Variants in SLC24A4 observed in about 807,000 individuals in gnomAD.
The protein encoded by SLC24A4 is solute carrier family 24 member 4.
A neutral mutation model predicts 79.0 loss-of-function variants in SLC24A4; 53 were observed. That is an observed-to-expected ratio of 0.67 (90% CI 0.54 to 0.84). SLC24A4 has a LOEUF of 0.84. Among genes scored for constraint, SLC24A4 ranks in the 40% least tolerant of loss-of-function variants. The probability of loss-of-function intolerance (pLI) is 0.00; values close to 1 mark genes in which losing one functional copy is unlikely to be tolerated. For synonymous variants in SLC24A4, 323 were observed against 323.8 expected, an observed-to-expected ratio of 1.00 and a Z score of 0.03; for missense variants, 731 against 822.0, an observed-to-expected ratio of 0.89 and a Z score of 1.35.
intron 2 of SLC24A4, among the ~76,000 whole-genome samples, chr14:92,345,282 G>A (rs985435135): frequency 6.6e-6 from 1 of 152,226 alleles, no homozygotes; most frequent in Non-Finnish European, 1.5e-5. Flanking sequence ...TGGCTTTGCT[G>A]CTTACTGGCA....
intron 2 of SLC24A4, among the ~76,000 whole-genome samples, chr14:92,379,630 G>A (rs1273150701): frequency 6.6e-6 from 1 of 152,154 alleles, no homozygotes; most frequent in Non-Finnish European, 1.5e-5. Flanking sequence ...TGCCTGAAGG[G>A]CATGGGAGTG....
rs554255148 is a variant in SLC24A4 at position 92,451,586 on chromosome 14, A to G, written c.881-2314A>G. On this transcript the variant is annotated intron_variant, in intron 10 of 16. Coordinates refer to ENST00000532405, the MANE Select transcript of SLC24A4 (RefSeq NM_153646.4). ...TCAAGAGCACACACTCTCAGGCCCG[A>G]TCGAGCTGTTCTCAGTTTTTGGGTT... 3 of 152,364 alleles carry G rather than the reference A, an allele frequency of 2.0e-5. No homozygotes were observed. In the East Asian group the frequency reaches 5.8e-4, roughly 29 times the overall value. 9.4% of individuals were successfully genotyped at this position (152,364 alleles called of 1,614,324 possible). A position where few individuals can be genotyped will look rare whatever the true frequency, so the allele number is the denominator to read the frequency against.
intron 2 of SLC24A4, among the ~76,000 whole-genome samples, chr14:92,419,648 G>A (rs928991881): frequency 6.6e-6 from 1 of 152,200 alleles, no homozygotes; most frequent in African/African-American, 2.4e-5. Context: ...TCATTAGACT[G>A]GACAGCAGAT....
At chr14:92,424,961 A>G (rs1007858053) in intron 2 of SLC24A4, among the ~76,000 whole-genome samples, 9 of 152,178 alleles carry the variant, frequency 5.9e-5, no homozygotes, top group Non-Finnish European at 1.3e-4. Context: ...CAGGGCATTA[A>G]TCTATTCCTG....
Position 92,474,863 on chromosome 14 carries a change from A to ATATATATTTT in SLC24A4, c.1256-7816_1256-7815insATATATTTTT, listed in dbSNP as rs36185636. 2.2e-3 allele frequency among the ~76,000 whole-genome samples: 123 copies of ATATATATTTT among 57,112 alleles called. 5 individuals are homozygous for ATATATATTTT. Among genetic ancestry groups the ATATATATTTT allele is most frequent in the South Asian group, 0.017 (29 of 1,738 alleles). 37.5% of individuals were successfully genotyped at this position (57,112 alleles called of 152,430 possible). ...TGTGTGTATATATATATATATATAT[A>ATATATATTTT]TTTTTTTTTTTTTTAGTAGACACAG... On this transcript the variant is annotated intron_variant, in intron 12 of 16. Coordinates refer to ENST00000532405, the MANE Select transcript of SLC24A4 (RefSeq NM_153646.4).
chr14:92,402,653 C>T (rs1890176474), intron 2 of SLC24A4, among the ~76,000 whole-genome samples: 3 of 152,024 alleles, frequency 2.0e-5, no homozygotes, highest in Admixed American at 2.0e-4. Flanking sequence ...GCCTCATAAT[C>T]ATGGCAGAAG....
In SLC24A4 at chr14:92,486,805, T is replaced by A. The variant is rs369126421; in HGVS notation, c.1537+25T>A. ...GGTATGGATTATGCCCCAGCCCTCA[T>A]AGTCATGCAGTGCAGGCCACTGTGT... On this transcript the variant is annotated intron_variant, in intron 14 of 16. Coordinates refer to ENST00000532405, the MANE Select transcript of SLC24A4 (RefSeq NM_153646.4). 1.9e-6 allele frequency: 3 copies of A among 1,563,452 alleles called. No individual in the cohort carries two copies. The East Asian group carries it at 6.7e-5, about 35-fold the overall frequency.
intron 12 of SLC24A4, among the ~76,000 whole-genome samples, chr14:92,470,066 T>A (rs977526561): frequency 6.6e-6 from 1 of 152,218 alleles, no homozygotes; most frequent in Non-Finnish European, 1.5e-5. Context: ...ATACGTTAAT[T>A]ATATCTCAAT....
Position 92,500,436 on chromosome 14 carries a change from T to C in SLC24A4, c.*6808T>C, listed in dbSNP as rs1896117249. 1 of 152,228 alleles carries C rather than the reference T, an allele frequency of 6.6e-6. No homozygotes were observed. Among genetic ancestry groups the C allele is most frequent in the South Asian group, 2.1e-4 (1 of 4,834 alleles). The allele number at this position is 152,228 out of a possible 1,614,324, so 9.4% of individuals were successfully genotyped here. A position where few individuals can be genotyped will look rare whatever the true frequency, so the allele number is the denominator to read the frequency against. On this transcript the variant is annotated 3_prime_UTR_variant, in exon 17 of 17. Coordinates refer to ENST00000532405, the MANE Select transcript of SLC24A4 (RefSeq NM_153646.4). ...GGACAGACGCGCAGTCCTCTTTCAA[T>C]GGAAGAAGAGAGGACTTTTCCCCTC...
At chr14:92,336,901 G>A (rs1377177658) in intron 2 of SLC24A4, among the ~76,000 whole-genome samples, 2 of 152,288 alleles carry the variant, frequency 1.3e-5, no homozygotes, top group East Asian at 3.9e-4. Context: ...CTGAGAAATC[G>A]CAGCATCACC....
chr14:92,344,772 G>A (rs563899548), intron 2 of SLC24A4, among the ~76,000 whole-genome samples: 4 of 152,268 alleles, frequency 2.6e-5, no homozygotes, highest in African/African-American at 7.2e-5. Flanking sequence ...ATGAGTGAGG[G>A]AGAGGGGCCA....
chr14:92,430,226 G>T (rs780353352), intron 2 of SLC24A4, among the ~76,000 whole-genome samples: 1 of 152,162 alleles, frequency 6.6e-6, no homozygotes, highest in African/African-American at 2.4e-5. Flanking sequence ...CTCAGGGTCC[G>T]TCAGGGTCTC....
At chr14:92,466,597 G>A (rs1428915876) in intron 12 of SLC24A4, among the ~76,000 whole-genome samples, 1 of 152,170 alleles carries the variant, frequency 6.6e-6, no homozygotes, top group Non-Finnish European at 1.5e-5. Flanking sequence ...TCACCCCAGG[G>A]AAGAAGAGAC....
At chr14:92,365,075 G>A (rs1468493722) in intron 2 of SLC24A4, among the ~76,000 whole-genome samples, 1 of 152,210 alleles carries the variant, frequency 6.6e-6, no homozygotes, top group Non-Finnish European at 1.5e-5. Flanking sequence ...CCTGAAGCGG[G>A]CTCTCCTCCC....
At chr14:92,374,895 G>A (rs1888415789) in intron 2 of SLC24A4, among the ~76,000 whole-genome samples, 1 of 152,106 alleles carries the variant, frequency 6.6e-6, no homozygotes, top group South Asian at 2.1e-4. Flanking sequence ...ATTTTGAAAT[G>A]CATATGTGTT....
intron 2 of SLC24A4, among the ~76,000 whole-genome samples, chr14:92,424,196 C>A (rs1036518676): frequency 1.3e-4 from 20 of 152,244 alleles, no homozygotes; most frequent in East Asian, 7.7e-4. Context: ...TCTGCAAAGA[C>A]CTTATGTTAA....
intron 3 of SLC24A4, among the ~76,000 whole-genome samples, chr14:92,435,070 G>A (rs920034983): frequency 9.9e-5 from 15 of 152,080 alleles, no homozygotes; most frequent in Admixed American, 5.9e-4. Context: ...CACCGTCCCC[G>A]GCCCACTTAA....
chr14:92,456,702 A>G, intron 12 of SLC24A4, 94 bp downstream of exon 12: 1 of 1,237,642 alleles, frequency 8.1e-7, no homozygotes, highest in South Asian at 1.3e-5. Context: ...TGGACTTGTA[A>G]GGGCGGCAGA....
At chr14:92,471,559 T>C (rs946441844) in intron 12 of SLC24A4, among the ~76,000 whole-genome samples, 1 of 152,154 alleles carries the variant, frequency 6.6e-6, no homozygotes, top group African/African-American at 2.4e-5. Flanking sequence ...ACCCTTGTTA[T>C]ATTATACACC....
Sources: gnomAD v4.1 joint callset for allele counts (sites outside exome capture counted in the v4.1 genomes callset) on GRCh38, gnomAD v4.1.1 for gene constraint, MANE v1.5 for transcripts, NCBI Gene and HGNC (gene_info 2026-07-23, HGNC 2026-07-21) for gene names.